The following GALNT13 variants were observed in gnomAD, a reference collection of about 807,000 sequenced individuals.
GALNT13 encodes polypeptide N-acetylgalactosaminyltransferase 13, also known as UDP-GalNAc:polypeptide N-acetylgalactosaminyltransferase 13.
Under a neutral mutation model 64.2 loss-of-function variants are expected in GALNT13, and 28 were observed. That is an observed-to-expected ratio of 0.44 (90% CI 0.32 to 0.60). GALNT13 has a LOEUF of 0.60. GALNT13 is among the 20% of genes least tolerant of loss of function. GALNT13 has a pLI of 0.05. For synonymous variants in GALNT13, 214 were observed against 224.6 expected (o/e 0.95, Z 0.42); for missense variants, 577 against 669.8 (o/e 0.86, Z 1.53).
intron 3 of GALNT13, among the ~76,000 whole-genome samples, chr2:153,954,130 C>G (rs925627516): frequency 6.6e-6 from 1 of 151,972 alleles, no homozygotes; most frequent in Non-Finnish European, 1.5e-5. Context: ...GGAAGAATTC[C>G]TATGTTTACA....
intron 2 of GALNT13, among the ~76,000 whole-genome samples, chr2:153,906,745 C>A (rs1036663455): frequency 6.6e-6 from 1 of 151,706 alleles, no homozygotes; most frequent in Non-Finnish European, 1.5e-5. Flanking sequence ...ATTTATAATC[C>A]TTTGGGTATA....
intron 10 of GALNT13, among the ~76,000 whole-genome samples, chr2:154,405,707 G>A (rs534114394): frequency 6.6e-6 from 1 of 151,942 alleles, no homozygotes; most frequent in Non-Finnish European, 1.5e-5. Context: ...GAGTGAGACT[G>A]TATCTCGAAA....
At chr2:154,181,580 A>G (rs1685961022) in intron 4 of GALNT13, among the ~76,000 whole-genome samples, 1 of 152,104 alleles carries the variant, frequency 6.6e-6, no homozygotes, top group South Asian at 2.1e-4. Context: ...AATTTTTACG[A>G]TATGATATAT....
intron 3 of GALNT13, among the ~76,000 whole-genome samples, chr2:153,966,611 G>A (rs549071794): frequency 1.8e-4 from 27 of 151,902 alleles, no homozygotes; most frequent in Admixed American, 1.3e-3. Context: ...CTCGTGATCC[G>A]CCCGCCTCGG....
intron 3 of GALNT13, among the ~76,000 whole-genome samples, chr2:154,076,877 A>G (rs1014211860): frequency 1.3e-5 from 2 of 151,642 alleles, no homozygotes; most frequent in South Asian, 2.1e-4. Flanking sequence ...ATACCCTCCA[A>G]TGCACACTAA....
At chr2:154,446,787 A>C in intron 12 of GALNT13, 1 of 1,467,806 alleles carries the variant, frequency 6.8e-7, no homozygotes, top group Non-Finnish European at 9.0e-7. Context: ...AGATTTTATT[A>C]AATTTATTTT....
At chr2:153,741,903 T>A in the GALNT13 span, among the ~76,000 whole-genome samples, 1 of 152,152 alleles carries the variant, frequency 6.6e-6, no homozygotes, top group African/African-American at 2.4e-5. Flanking sequence ...GATGTTATGA[T>A]TTATAAATGT....
chr2:154,089,671 T>C (rs1420898519), intron 3 of GALNT13, among the ~76,000 whole-genome samples: 2 of 151,792 alleles, frequency 1.3e-5, no homozygotes, highest in African/African-American at 4.9e-5. Flanking sequence ...GCTTCTCTCA[T>C]GCTCAGCTGT....
the GALNT13 span, among the ~76,000 whole-genome samples, chr2:153,684,617 G>A: frequency 6.6e-6 from 1 of 151,312 alleles, no homozygotes; most frequent in Admixed American, 6.6e-5. Flanking sequence ...CCTTGTTGAT[G>A]GTGTCAGAAG....
intron 8 of GALNT13, among the ~76,000 whole-genome samples, chr2:154,295,963 T>C (rs766388082): frequency 1.4e-4 from 21 of 152,230 alleles, no homozygotes; most frequent in Non-Finnish European, 2.6e-4. Context: ...TTTACTGTTT[T>C]CTTAAAACTG....
the GALNT13 span, among the ~76,000 whole-genome samples, chr2:153,388,543 A>G: frequency 2.6e-5 from 4 of 152,184 alleles, no homozygotes; most frequent in Middle Eastern, 6.8e-3. Context: ...ATGCCTGGAA[A>G]AGCTTTTATT....
chr2:154,315,170 A>T (rs1389672108), intron 9 of GALNT13, among the ~76,000 whole-genome samples: 1 of 152,218 alleles, frequency 6.6e-6, no homozygotes, highest in Admixed American at 6.5e-5. Flanking sequence ...TTTACAGGAC[A>T]TTAAACTCTC....
intron 9 of GALNT13, among the ~76,000 whole-genome samples, chr2:154,352,334 G>A (rs1696460509): frequency 6.6e-6 from 1 of 152,160 alleles, no homozygotes; most frequent in South Asian, 2.1e-4. Flanking sequence ...ATAAGATTAT[G>A]CCAAGACTGG....
the GALNT13 span, among the ~76,000 whole-genome samples, chr2:153,456,198 C>T: frequency 1.3e-5 from 2 of 152,188 alleles, no homozygotes; most frequent in Non-Finnish European, 2.9e-5. Context: ...CTTTGGGCCA[C>T]GATTTCAGGC....
chr2:154,406,669 CCTTA>C (rs1699558051), intron 10 of GALNT13, among the ~76,000 whole-genome samples: 1 of 152,112 alleles, frequency 6.6e-6, no homozygotes, highest in African/African-American at 2.4e-5. Context: ...CTTTATCTAC[CCTTA>C]CTTACTGTGC....
chr2:153,209,168 G>T, the GALNT13 span, among the ~76,000 whole-genome samples: 1 of 151,508 alleles, frequency 6.6e-6, no homozygotes. Context: ...TTTTAGTAGA[G>T]ATGTGGTTTC....
At chr2:153,724,396 C>T in the GALNT13 span, among the ~76,000 whole-genome samples, 1 of 121,322 alleles carries the variant, frequency 8.2e-6, no homozygotes, top group African/African-American at 4.2e-5. Context: ...TAGGCGTGGG[C>T]AAGGACTTCA....
At position 154,113,396 on chromosome 2, in the gene GALNT13, C is replaced by T. The variant is rs113772444; in HGVS notation, c.143-26941C>T. On this transcript the variant is annotated intron_variant, in intron 3 of 12. Transcript: ENST00000392825. ...TCCAAACTGGCAGCCTTTCGGGTCACTTGATAAATGGCCCAGAGTAACAAA... is the reference window on the plus strand; with the variant it reads ...TCCAAACTGGCAGCCTTTCGGGTCATTTGATAAATGGCCCAGAGTAACAAA... Among the ~76,000 whole-genome samples the T allele has an allele frequency of 6.6e-5, 10 of 152,356 alleles. 1 individual carries two copies. Among genetic ancestry groups the T allele is most frequent in the African/African-American group, 2.2e-4 (9 of 41,584 alleles).
At chr2:154,125,145 G>A (rs1020390146) in intron 3 of GALNT13, among the ~76,000 whole-genome samples, 75 of 152,198 alleles carry the variant, frequency 4.9e-4, no homozygotes, top group Admixed American at 8.5e-4. Context: ...GAACATTTTA[G>A]AACAGTGCCT....
Sources: allele counts gnomAD v4.1 joint callset (sites outside exome capture counted in the v4.1 genomes callset), GRCh38; gene constraint gnomAD v4.1.1; transcripts MANE v1.5; gene names NCBI Gene and HGNC (gene_info 2026-07-23, HGNC 2026-07-21).